Variants in RTN1 observed in about 807,000 individuals in gnomAD.
RTN1 encodes the protein reticulon-1.
RTN1 carries 25 observed loss-of-function variants against 65.5 expected under a neutral mutation model. The observed-to-expected ratio is 0.38, with a 90% CI of 0.28 to 0.53. RTN1 has a LOEUF of 0.53. Ranked by LOEUF, RTN1 falls within the 20% of genes least tolerant of loss-of-function variation. RTN1 has a pLI of 0.79. For synonymous variants in RTN1, 471 were observed against 447.6 expected (o/e 1.05, Z -0.66); for missense variants, 983 against 1,025.4 (o/e 0.96, Z 0.57).
chr14:59,626,641 A>G (rs994239609), intron 3 of RTN1, among the ~76,000 whole-genome samples: 1 of 152,238 alleles, frequency 6.6e-6, no homozygotes. Flanking sequence ...AATAGGCTTC[A>G]TGATCATAAT....
At chr14:59,749,252 A>C (rs1323580857) in intron 1 of RTN1, among the ~76,000 whole-genome samples, 1 of 50,528 alleles carries the variant, frequency 2.0e-5, no homozygotes, top group Admixed American at 2.9e-4. Context: ...ATATATCTAT[A>C]TATCTATATA....
chr14:59,699,596 C>T (rs9652350), intron 3 of RTN1, among the ~76,000 whole-genome samples: 7,122 of 152,210 alleles, frequency 0.047, 556 homozygotes, highest in African/African-American at 0.16. Flanking sequence ...AGAGATTTAA[C>T]TGTCAAGCAA....
intron 3 of RTN1, among the ~76,000 whole-genome samples, chr14:59,673,267 T>A (rs10137320): frequency 0.43 from 65,688 of 151,848 alleles, 15,069 homozygotes; most frequent in African/African-American, 0.57. Flanking sequence ...GTTCCGTGAG[T>A]GGGAGGGAGT....
intron 3 of RTN1, among the ~76,000 whole-genome samples, chr14:59,725,363 A>C (rs780801486): frequency 3.3e-5 from 5 of 152,234 alleles, no homozygotes; most frequent in Non-Finnish European, 7.3e-5. Context: ...CATGCCTGTT[A>C]CAGTACAGTG....
At chr14:59,757,588 T>A (rs1885665368) in intron 1 of RTN1, among the ~76,000 whole-genome samples, 6 of 152,160 alleles carry the variant, frequency 3.9e-5, no homozygotes, top group Admixed American at 3.9e-4. Context: ...GAAAATGAAC[T>A]AATACAGAGC....
chr14:59,709,610 A>G (rs944282296), intron 3 of RTN1, among the ~76,000 whole-genome samples: 1 of 152,184 alleles, frequency 6.6e-6, no homozygotes, highest in Admixed American at 6.5e-5. Flanking sequence ...CCTCCTTATA[A>G]GGAGAATCTT....
Position 59,870,621 on chromosome 14 carries a change from G to C in RTN1, c.10C>G (p.Pro4Ala). Reference sequence around the variant, plus strand: ...AGCAGCTCGTCCTGCGGATCCCCCGGCGCGGCCATGGCTGGCGGTCCCCCG... The same window carrying C: ...AGCAGCTCGTCCTGCGGATCCCCCGCCGCGGCCATGGCTGGCGGTCCCCCG... MAA[P>A]GDPQDELLPL... The change falls in exon 1 of 9, where the codon CCG becomes GCG. Residue 4 changes from proline to alanine, a missense_variant. Physicochemically the swap from Pro to Ala is conservative, Grantham distance 27. Transcript: ENST00000267484. The surrounding 1 kb of genome is among the most constrained non-coding windows in gnomAD (Gnocchi z 5.1). 9.9e-6 allele frequency: 14 copies of C among 1,417,660 alleles called. No homozygotes were observed. Among genetic ancestry groups the C allele is most frequent in the Non-Finnish European group, 1.3e-5 (14 of 1,090,054 alleles). The allele number at this position is 1,417,660 out of a possible 1,614,324, so 87.8% of individuals were successfully genotyped here. A position where few individuals can be genotyped will look rare whatever the true frequency, so the allele number is the denominator to read the frequency against.
intron 1 of RTN1, among the ~76,000 whole-genome samples, chr14:59,801,973 A>T (rs1487380915): frequency 6.6e-6 from 1 of 152,004 alleles, no homozygotes; most frequent in Non-Finnish European, 1.5e-5. Context: ...ATGTCTTTCC[A>T]CCTTATTAAT....
rs981471986 is a variant in RTN1, at chr14:59,870,645, C to T, written c.-15G>A. 769 of 1,368,432 alleles carry T rather than the reference C, an allele frequency of 5.6e-4. No individual in the cohort carries two copies. Among genetic ancestry groups the T allele is most frequent in the Non-Finnish European group, 6.1e-4 (653 of 1,068,284 alleles). The allele number at this position is 1,368,432 out of a possible 1,614,324, so 84.8% of individuals were successfully genotyped here. ...GGCGCGGCCATGGCTGGCGGTCCCC[C>T]GGCGCGGCGACGGCGGCTTGGCTGG... On this transcript the variant is annotated 5_prime_UTR_variant, in exon 1 of 9. Transcript: ENST00000267484. The surrounding 1 kb of genome is among the most constrained non-coding windows in gnomAD (Gnocchi z 5.1).
chr14:59,787,761 A>C (rs1243218898), intron 1 of RTN1, among the ~76,000 whole-genome samples: 1 of 152,130 alleles, frequency 6.6e-6, no homozygotes, highest in African/African-American at 2.4e-5. Context: ...TTTGTATAAC[A>C]CTTCTACATG....
At chr14:59,687,860 T>C (rs189476248) in intron 3 of RTN1, among the ~76,000 whole-genome samples, 1 of 152,036 alleles carries the variant, frequency 6.6e-6, no homozygotes, top group Non-Finnish European at 1.5e-5. Context: ...CTATCACTCA[T>C]GTGCAGAGAT....
intron 1 of RTN1, among the ~76,000 whole-genome samples, chr14:59,770,161 TG>T (rs1885926003): frequency 6.6e-6 from 1 of 151,682 alleles, no homozygotes; most frequent in African/African-American, 2.4e-5. Context: ...GCAGATGACC[TG>T]AAGCCAGGAG....
intron 3 of RTN1, among the ~76,000 whole-genome samples, chr14:59,623,679 T>G (rs569963929): frequency 6.6e-6 from 1 of 152,346 alleles, no homozygotes; most frequent in South Asian, 2.1e-4. Flanking sequence ...CCACAAAATC[T>G]TAAGATTGTG....
chr14:59,603,957 C>T, intron 5 of RTN1, 36 bp from the exon 6 acceptor site: 1 of 1,554,378 alleles, frequency 6.4e-7, no homozygotes, highest in Non-Finnish European at 8.9e-7. Flanking sequence ...CTCCTAAAAC[C>T]CTTCCTGACA....
chr14:59,763,772 C>A (rs113022088), intron 1 of RTN1, among the ~76,000 whole-genome samples: 2,417 of 152,176 alleles, frequency 0.016, 63 homozygotes, highest in African/African-American at 0.056. Flanking sequence ...ACCTCGTGAT[C>A]CACCTGCCTC....
At chr14:59,724,016 T>G (rs1327535838) in intron 3 of RTN1, among the ~76,000 whole-genome samples, 1 of 152,230 alleles carries the variant, frequency 6.6e-6, no homozygotes, top group Non-Finnish European at 1.5e-5. Flanking sequence ...ATTTTTAAAT[T>G]GGCTTTTTAC....
At chr14:59,666,403 A>G (rs1169277602) in intron 3 of RTN1, among the ~76,000 whole-genome samples, 2 of 152,336 alleles carry the variant, frequency 1.3e-5, no homozygotes, top group East Asian at 3.8e-4. Flanking sequence ...GAGAACAAAG[A>G]CACAATGTAC....
chr14:59,741,230 G>A (rs568015888), intron 2 of RTN1, among the ~76,000 whole-genome samples: 1 of 152,188 alleles, frequency 6.6e-6, no homozygotes, highest in African/African-American at 2.4e-5. Flanking sequence ...CCAGCTCAGG[G>A]CCTTTGCACT....
At chr14:59,861,527 G>GGAAGATATA (rs1379965935) in intron 1 of RTN1, among the ~76,000 whole-genome samples, 5 of 152,160 alleles carry the variant, frequency 3.3e-5, no homozygotes, top group Non-Finnish European at 7.3e-5. Context: ...TTGTCTTTTA[G>GGAAGATATA]GAAGATATAA....
Sources: gnomAD v4.1 joint callset for allele counts (sites outside exome capture counted in the v4.1 genomes callset) on GRCh38, gnomAD v4.1.1 for gene constraint, Gnocchi (gnomAD v3.1) non-coding constraint, MANE v1.5 for transcripts, NCBI Gene and HGNC (gene_info 2026-07-23, HGNC 2026-07-21) for gene names.